The following TMEM175 variants were observed in gnomAD, a reference collection of about 807,000 sequenced individuals.
TMEM175 encodes endosomal/lysosomal proton channel TMEM175.
TMEM175 carries 36 observed loss-of-function variants against 36.5 expected under a neutral mutation model. The ratio of observed to expected loss-of-function variants is 0.99; its 90% confidence interval spans 0.76 to 1.30. The LOEUF (loss-of-function observed/expected upper bound fraction) is 1.30, where lower values mean the gene tolerates loss of function less well. Ranked by LOEUF, TMEM175 falls within the 50% of genes most tolerant of loss-of-function variation. The pLI, the probability that TMEM175 is intolerant of heterozygous loss-of-function variation, is 0.00. For missense variants in TMEM175, 705 were observed against 692.8 expected (o/e 1.02, Z -0.20); for synonymous variants, 339 against 313.4 (o/e 1.08, Z -0.86).
intron 6 of TMEM175, chr4:952,079 A>C: frequency 3.4e-6 from 2 of 583,790 alleles, no homozygotes; most frequent in Non-Finnish European, 6.1e-6. Flanking sequence ...AGTGGCCGCT[A>C]GTCTGAGTGT....
At chr4:936,310 A>G (rs1296084230) in intron 1 of TMEM175, among the ~76,000 whole-genome samples, 1 of 151,924 alleles carries the variant, frequency 6.6e-6, no homozygotes. Context: ...CTGTCACAAA[A>G]AAAAAAAAAA....
intron 3 of TMEM175, among the ~76,000 whole-genome samples, chr4:950,008 T>TC (rs1488555992): frequency 1.3e-5 from 2 of 151,864 alleles, no homozygotes; most frequent in Non-Finnish European, 2.9e-5. Flanking sequence ...TGCCCTCCTG[T>TC]CCCCTCCCAC....
chr4:957,697 G>T, intron 10 of TMEM175, 127 bp from the exon 11 acceptor site: 2 of 868,910 alleles, frequency 2.3e-6, no homozygotes, highest in Non-Finnish European at 3.6e-6. Flanking sequence ...TAGCACACTG[G>T]GAAGTCCACA....
chr4:958,226 GCA>G lies in TMEM175; in HGVS notation c.1246_1247del (p.His416CysfsTer133). The G allele has an allele frequency of 6.2e-7, 1 of 1,603,080 alleles. No individual in the cohort carries two copies. The highest frequency in any genetic ancestry group is 8.5e-7 in the Non-Finnish European group (1 of 1,176,756). On this transcript the variant is annotated frameshift_variant, in exon 11 of 11. Coordinates refer to ENST00000264771, the MANE Select transcript of TMEM175 (RefSeq NM_032326.4). LOFTEE classifies it low-confidence loss of function (END_TRUNC). ...CCTCGGTGTGGTTTGGCGGCCGGGA[GCA>G]TGTGCTCATGTTCGCCAAGCTGGCG... Reference protein sequence around the residue: ...QPSVWFGGREHVLMFAKLALY... With the variant: ...QPSVWFGGREXVLMFAKLALY...
intron 1 of TMEM175, among the ~76,000 whole-genome samples, chr4:937,461 G>A (rs1315834780): frequency 1.3e-5 from 2 of 152,192 alleles, no homozygotes; most frequent in Non-Finnish European, 2.9e-5. Context: ...TACTTGGGAG[G>A]CTGAGGGAGG....
At chr4:950,260 T>G (rs1449863855) in intron 3 of TMEM175, among the ~76,000 whole-genome samples, 161 bp from the exon 4 acceptor site, 1 of 152,052 alleles carries the variant, frequency 6.6e-6, no homozygotes, top group African/African-American at 2.4e-5. Flanking sequence ...ACTCAGGGTC[T>G]GCTGGGGAGG....
chr4:944,075 C>G (rs1727844058), intron 1 of TMEM175, among the ~76,000 whole-genome samples: 1 of 152,204 alleles, frequency 6.6e-6, no homozygotes, highest in Non-Finnish European at 1.5e-5. Context: ...GGTGGATCAC[C>G]TGAGGTCAGG....
Position 932,829 on chromosome 4 carries a change from C to T in TMEM175, c.-32+289C>T, listed in dbSNP as rs1726178468. On this transcript the variant is annotated intron_variant, in intron 1 of 10. Transcript: ENST00000264771. This position sits in a 1 kb window ranked among gnomAD's most constrained non-coding sequence, Gnocchi z 4.0. Reference sequence around the variant, plus strand: ...TAGTGAGTAAGGTTGGCAGCCCCCTCCCAGCAGCCAGGCAGGCAGTTTGCA... The same window carrying T: ...TAGTGAGTAAGGTTGGCAGCCCCCTTCCAGCAGCCAGGCAGGCAGTTTGCA... Among the ~76,000 whole-genome samples the T allele has an allele frequency of 6.6e-6, 1 of 152,248 alleles. No homozygotes were observed. The highest frequency in any genetic ancestry group is 2.4e-5 in the African/African-American group (1 of 41,470).
At chr4:953,703 T>C (rs1446110606) in intron 8 of TMEM175, among the ~76,000 whole-genome samples, 4 of 152,256 alleles carry the variant, frequency 2.6e-5, no homozygotes, top group African/African-American at 9.6e-5. Flanking sequence ...TTTTGTTCAT[T>C]GAGGCAAGAT....
chr4:934,398 G>A (rs1476543114), intron 1 of TMEM175, among the ~76,000 whole-genome samples: 1 of 151,914 alleles, frequency 6.6e-6, no homozygotes. Context: ...GTGCAGCTAA[G>A]AGTGTCGAAT....
In TMEM175 at chr4:958,562, A is replaced by G. The variant is rs969560690; in HGVS notation, c.*66A>G. ...GACCAGGGAGGACAGGATGCTGGGC[A>G]GGGGAAGCCAAGTCACGGGCAGGCC... On this transcript the variant is annotated 3_prime_UTR_variant, in exon 11 of 11. Transcript: ENST00000264771. The G allele has an allele frequency of 3.7e-6, 5 of 1,364,048 alleles. No individual in the cohort carries two copies. The highest frequency in any genetic ancestry group is 5.8e-5 in the Admixed American group (2 of 34,608). The allele number at this position is 1,364,048 out of a possible 1,614,324, so 84.5% of individuals were successfully genotyped here. A position where few individuals can be genotyped will look rare whatever the true frequency, so the allele number is the denominator to read the frequency against.
At position 956,252 on chromosome 4, in the gene TMEM175, C is replaced by T. The variant is rs181327565; in HGVS notation, c.842+362C>T. ...CCTCACCCCTGCCCCAACACCAGCC[C>T]CTCCTAGTCCCTAGTCCCTCCCATT... On this transcript the variant is annotated intron_variant, in intron 10 of 10. Transcript: ENST00000264771. 8.2e-4 allele frequency: 1,002 copies of T among 1,219,724 alleles called. 10 individuals are homozygous for T. The African/African-American group carries it at 0.014, about 17-fold the overall frequency. The allele number at this position is 1,219,724 out of a possible 1,614,324, so 75.6% of individuals were successfully genotyped here.
At chr4:939,265 T>C (rs1241668139) in intron 1 of TMEM175, among the ~76,000 whole-genome samples, 1 of 152,160 alleles carries the variant, frequency 6.6e-6, no homozygotes, top group African/African-American at 2.4e-5. Context: ...ACTGGAAAAA[T>C]TGGATATTCA....
intron 1 of TMEM175, among the ~76,000 whole-genome samples, chr4:936,828 G>A (rs1013824055): frequency 1.3e-5 from 2 of 152,134 alleles, no homozygotes; most frequent in South Asian, 2.1e-4. Flanking sequence ...ATGGTGGCAT[G>A]TGCCTGAAAT....
rs779807405 is a variant in TMEM175, at chr4:950,426, C to T, written c.198C>T (p.Phe66=). Residue 66 remains phenylalanine (F), a synonymous_variant, in exon 4 of 11, where the codon TTC becomes TTT. Coordinates refer to ENST00000264771, the MANE Select transcript of TMEM175 (RefSeq NM_032326.4). ...THTEISPEQQ[F]DRSVQRLLAT... ...GCAGTGCTCTTGTATTCCAGCAGTT[C>T]GACAGAAGTGTACAGAGGCTTCTGG... is the stretch of plus-strand genomic sequence containing the variant. 4.3e-6 allele frequency: 7 copies of T among 1,612,776 alleles called. No individual in the cohort carries two copies. In the South Asian group the frequency reaches 5.5e-5, roughly 13 times the overall value.
rs1382267780 is a variant in TMEM175, at chr4:957,915, G to A, written c.934G>A (p.Ala312Thr). The part of the protein sequence containing the change: ...ALSATGPRFL[A>T]YFGSFATVGL... ...GAGTGCGACCGGGCCGCGCTTCCTG[G>A]CGTACTTCGGCTCCTTCGCCACAGT... is the stretch of plus-strand genomic sequence containing the variant. Residue 312 changes from alanine (A) to threonine (T), a missense_variant, in exon 11 of 11, where the codon GCG becomes ACG. By Grantham distance (58) the Ala-to-Thr change is moderately conservative. Coordinates refer to ENST00000264771, the MANE Select transcript of TMEM175 (RefSeq NM_032326.4). The A allele has an allele frequency of 1.2e-6, 2 of 1,612,778 alleles. No homozygotes were observed. Among genetic ancestry groups the A allele is most frequent in the Admixed American group, 1.7e-5 (1 of 60,000 alleles).
chr4:956,529 G>A (rs1729680589), intron 10 of TMEM175: 8 of 1,158,696 alleles, frequency 6.9e-6, no homozygotes, highest in South Asian at 2.8e-5. Context: ...TGCAACCTCC[G>A]CCTCCCAGGT....
At chr4:938,731 A>G (rs1266322241) in intron 1 of TMEM175, among the ~76,000 whole-genome samples, 1 of 152,232 alleles carries the variant, frequency 6.6e-6, no homozygotes, top group Non-Finnish European at 1.5e-5. Flanking sequence ...GAAAACTACA[A>G]AAATTAGCTG....
At chr4:946,596 C>T (rs113432984) in intron 1 of TMEM175, among the ~76,000 whole-genome samples, 8,211 of 152,278 alleles carry the variant, frequency 0.054, 336 homozygotes, top group Middle Eastern at 0.13. Context: ...CTCCGTGAGG[C>T]GCTGGGGTCT....
Sources: gnomAD v4.1 joint callset for allele counts (sites outside exome capture counted in the v4.1 genomes callset) on GRCh38, gnomAD v4.1.1 for gene constraint, Gnocchi (gnomAD v3.1) non-coding constraint, MANE v1.5 for transcripts, NCBI Gene and HGNC (gene_info 2026-07-23, HGNC 2026-07-21) for gene names.